MYO3A: variants seen among roughly 807,000 people sequenced by gnomAD.
MYO3A encodes the protein myosin-IIIa.
In MYO3A, 180 loss-of-function variants were observed where a neutral mutation model predicts 192.7. The ratio of observed to expected loss-of-function variants is 0.93; its 90% CI spans 0.83 to 1.06. MYO3A has a LOEUF of 1.06. Among genes scored for constraint, MYO3A ranks in the 50% least tolerant of loss-of-function variants. The pLI, the probability that MYO3A is intolerant of heterozygous loss-of-function variation, is 0.00. For missense variants in MYO3A, 1,896 were observed against 1,905.0 expected, an observed-to-expected ratio of 1.00 and a Z score of 0.09; for synonymous variants, 628 against 645.3, an observed-to-expected ratio of 0.97 and a Z score of 0.41.
At chr10:26,140,996 C>T (rs553777022) in intron 20 of MYO3A, among the ~76,000 whole-genome samples, 13 of 152,172 alleles carry the variant, frequency 8.5e-5, no homozygotes, top group Non-Finnish European at 1.6e-4. Flanking sequence ...GGCGCAATCT[C>T]GGCTCACTAC....
At chr10:26,113,360 C>G (rs987068117) in intron 17 of MYO3A, among the ~76,000 whole-genome samples, 13 of 151,864 alleles carry the variant, frequency 8.6e-5, no homozygotes, top group African/African-American at 2.4e-4. Context: ...ATCCCAGCTA[C>G]TCAGGAGGCT....
intron 7 of MYO3A, among the ~76,000 whole-genome samples, chr10:26,020,795 A>G (rs1842261172): frequency 6.6e-6 from 1 of 152,188 alleles, no homozygotes; most frequent in South Asian, 2.1e-4. Context: ...TATCTAATAC[A>G]ATCTTATAAA....
At chr10:26,101,890 TG>T (rs759447304) in intron 17 of MYO3A, among the ~76,000 whole-genome samples, 3 of 152,214 alleles carry the variant, frequency 2.0e-5, no homozygotes, top group Non-Finnish European at 4.4e-5. Context: ...GTTGCTCTTC[TG>T]GAGGAGTATC....
At chr10:26,122,695 C>T (rs1268291661) in intron 18 of MYO3A, among the ~76,000 whole-genome samples, 1 of 152,100 alleles carries the variant, frequency 6.6e-6, no homozygotes, top group Non-Finnish European at 1.5e-5. Context: ...TTTCCCTCTC[C>T]ATCACCTCCC....
intron 14 of MYO3A, among the ~76,000 whole-genome samples, chr10:26,074,275 A>T (rs1835392930): frequency 6.6e-6 from 1 of 152,130 alleles, no homozygotes; most frequent in African/African-American, 2.4e-5. Context: ...CAAAACAACT[A>T]CTTAATTGAA....
At chr10:26,039,207 ATTTTTTTTT>A (rs34416918) in intron 10 of MYO3A, among the ~76,000 whole-genome samples, 4 of 106,844 alleles carry the variant, frequency 3.7e-5, no homozygotes, top group Admixed American at 2.1e-4. Context: ...GGCTCGGCTA[ATTTTTTTTT>A]TTTTTTTTTT....
Position 26,142,420 on chromosome 10 carries a change from A to G in MYO3A, c.2263-1028A>G, listed in dbSNP as rs555851384. Reference sequence around the variant, plus strand: ...AGAAGCCAACTGGGCACAAGCCTTCATGTCCCTTTTGTAAAGTAGATCATA... The same window carrying G: ...AGAAGCCAACTGGGCACAAGCCTTCGTGTCCCTTTTGTAAAGTAGATCATA... On this transcript the variant is annotated intron_variant, in intron 20 of 34. Coordinates refer to ENST00000642920, the MANE Select transcript of MYO3A (RefSeq NM_017433.5). Among the ~76,000 whole-genome samples the G allele has an allele frequency of 4.6e-5, 7 of 152,324 alleles. No homozygotes were observed. The East Asian group carries it at 7.7e-4, about 17-fold the overall frequency.
chr10:26,162,288 G>A (rs1016130420), intron 26 of MYO3A, among the ~76,000 whole-genome samples: 1 of 152,148 alleles, frequency 6.6e-6, no homozygotes, highest in Non-Finnish European at 1.5e-5. Context: ...GAGAAATTCT[G>A]ATAAAGCAGA....
intron 17 of MYO3A, among the ~76,000 whole-genome samples, chr10:26,115,489 C>T (rs7080516): frequency 0.38 from 57,429 of 151,990 alleles, 11,303 homozygotes; most frequent in Middle Eastern, 0.52. Context: ...AAACCATGTA[C>T]CTATATCTAG....
chr10:25,942,013 T>C (rs1258590005), intron 2 of MYO3A, among the ~76,000 whole-genome samples: 6 of 150,462 alleles, frequency 4.0e-5, no homozygotes, highest in East Asian at 1.9e-4. Context: ...TTTCTTTTTT[T>C]TTTTTTTAGA....
intron 10 of MYO3A, among the ~76,000 whole-genome samples, chr10:26,027,259 A>G (rs763626296): frequency 2.6e-5 from 4 of 152,322 alleles, no homozygotes; most frequent in East Asian, 1.9e-4. Context: ...AGGAAATTTA[A>G]AAGTCACAGA....
intron 6 of MYO3A, among the ~76,000 whole-genome samples, chr10:26,005,789 A>G (rs1158654560): frequency 1.3e-5 from 2 of 152,136 alleles, no homozygotes; most frequent in Non-Finnish European, 2.9e-5. Flanking sequence ...ACTGAAAAAG[A>G]AACTAGGGGG....
At chr10:26,204,812 A>G (rs1219411450) in intron 34 of MYO3A, among the ~76,000 whole-genome samples, 1 of 152,234 alleles carries the variant, frequency 6.6e-6, no homozygotes, top group Non-Finnish European at 1.5e-5. Flanking sequence ...CTTGATGCTG[A>G]AGGAAAAGTA....
At chr10:26,147,783 G>A (rs181045208) in intron 23 of MYO3A, among the ~76,000 whole-genome samples, 20 of 152,298 alleles carry the variant, frequency 1.3e-4, no homozygotes, top group Admixed American at 8.5e-4. Context: ...CAGCAGTCAT[G>A]CAGAAAATGT....
At position 25,988,206 on chromosome 10, in the gene MYO3A, C is replaced by T. The variant is rs527735961; in HGVS notation, c.304-8284C>T. Among the ~76,000 whole-genome samples the T allele has an allele frequency of 2.8e-4, 43 of 151,928 alleles. No individual in the cohort carries two copies. The South Asian group carries it at 3.5e-3, about 13-fold the overall frequency. Reference sequence around the variant, plus strand: ...AATGATACACTGGACATTGGGGACTCGGGGGAAAGTGTGGGTGGGTGGTGA... The same window carrying T: ...AATGATACACTGGACATTGGGGACTTGGGGGAAAGTGTGGGTGGGTGGTGA... On this transcript the variant is annotated intron_variant, in intron 4 of 34. Coordinates refer to ENST00000642920, the MANE Select transcript of MYO3A (RefSeq NM_017433.5).
chr10:25,998,887 T>A (rs1840613568), intron 6 of MYO3A, among the ~76,000 whole-genome samples: 1 of 152,132 alleles, frequency 6.6e-6, no homozygotes, highest in Non-Finnish European at 1.5e-5. Context: ...ACCTTTTATA[T>A]ATTTTTGTTT....
At chr10:26,018,412 A>G (rs1331829574) in intron 7 of MYO3A, among the ~76,000 whole-genome samples, 1 of 152,222 alleles carries the variant, frequency 6.6e-6, no homozygotes, top group African/African-American at 2.4e-5. Context: ...CTATGGTATT[A>G]ATAGCAGATT....
intron 10 of MYO3A, among the ~76,000 whole-genome samples, chr10:26,056,521 A>T (rs897982681): frequency 6.6e-6 from 1 of 152,204 alleles, no homozygotes; most frequent in Non-Finnish European, 1.5e-5. Flanking sequence ...TACCAAACAT[A>T]TCTATAGCAC....
intron 2 of MYO3A, among the ~76,000 whole-genome samples, chr10:25,941,267 C>T (rs1424227479): frequency 1.3e-5 from 2 of 152,118 alleles, no homozygotes; most frequent in Non-Finnish European, 2.9e-5. Flanking sequence ...CAGTTTCTGT[C>T]CTACAGGGAC....
Sources: gnomAD v4.1 joint callset for allele counts (sites outside exome capture counted in the v4.1 genomes callset) on GRCh38, gnomAD v4.1.1 for gene constraint, MANE v1.5 for transcripts, NCBI Gene and HGNC (gene_info 2026-07-23, HGNC 2026-07-21) for gene names.